The following DPY30 variants were observed in gnomAD, a reference collection of about 807,000 sequenced individuals.
DPY30 encodes protein dpy-30 homolog.
A neutral mutation model predicts 16.2 loss-of-function variants in DPY30; 6 were observed. The ratio of observed to expected loss-of-function variants is 0.37; its 90% CI spans 0.20 to 0.73. DPY30 has a LOEUF of 0.73. Among genes scored for constraint, DPY30 ranks in the 30% least tolerant of loss-of-function variants. The probability of loss-of-function intolerance (pLI) is 0.51; values close to 1 mark genes in which losing one functional copy is unlikely to be tolerated. For missense variants in DPY30, 73 were observed against 113.1 expected (o/e 0.65, Z 1.61); for synonymous variants, 39 against 38.8 (o/e 1.00, Z -0.02).
chr2:32,029,219 C>T lies in DPY30; in HGVS notation c.227+375G>A, dbSNP rs374994572. ...ACCAGGAGGTAGAGGTTGCAGTGAA[C>T]GAGATCATACCACCGTCCTCCAGCC... is the stretch of plus-strand genomic sequence containing the variant. On this transcript the variant is annotated intron_variant, in intron 4 of 4. Transcript: ENST00000342166. Among the ~76,000 whole-genome samples, 11 of 152,188 alleles carry T rather than the reference C, an allele frequency of 7.2e-5. No homozygotes were observed. In the East Asian group the frequency reaches 7.7e-4, roughly 11 times the overall value.
intron 3 of DPY30, among the ~76,000 whole-genome samples, chr2:32,038,676 GTC>G (rs1292139992): frequency 1.5e-5 from 2 of 129,226 alleles, no homozygotes; most frequent in East Asian, 4.6e-4. Flanking sequence ...TTGAGACGGA[GTC>G]TCACTCTGCC....
At chr2:32,032,533 C>A (rs1358011667) in intron 3 of DPY30, among the ~76,000 whole-genome samples, 6 of 152,192 alleles carry the variant, frequency 3.9e-5, no homozygotes, top group African/African-American at 1.4e-4. Flanking sequence ...TAAAAACAGT[C>A]CTAACTTCCA....
chr2:32,037,464 C>T (rs1420950757), intron 3 of DPY30, among the ~76,000 whole-genome samples: 2 of 152,170 alleles, frequency 1.3e-5, no homozygotes, highest in Non-Finnish European at 2.9e-5. Context: ...TACCGTCACA[C>T]CCAGCTAATT....
chr2:32,036,497 C>T (rs982412281), intron 3 of DPY30, among the ~76,000 whole-genome samples: 2 of 151,984 alleles, frequency 1.3e-5, no homozygotes, highest in African/African-American at 2.4e-5. Flanking sequence ...CGGTGAAACC[C>T]CGTCTCTACT....
intron 4 of DPY30, 149 bp downstream of exon 4, chr2:32,029,445 T>G: frequency 2.2e-6 from 2 of 906,146 alleles, no homozygotes; most frequent in Non-Finnish European, 3.3e-6. Flanking sequence ...AATGTCTGAA[T>G]TATGAGATTA....
chr2:32,039,590 C>G (rs958949977), intron 1 of DPY30, 98 bp from the exon 2 acceptor site: 22 of 1,209,724 alleles, frequency 1.8e-5, no homozygotes, highest in African/African-American at 3.0e-5. Flanking sequence ...CCCTCACCCC[C>G]ACCTGGGCGC....
intron 3 of DPY30, among the ~76,000 whole-genome samples, chr2:32,034,165 A>G (rs532965857): frequency 1.4e-3 from 208 of 152,332 alleles, no homozygotes; most frequent in African/African-American, 4.9e-3. Context: ...TCAGGTGAAT[A>G]CTTATCAATA....
At chr2:32,039,632 G>T in intron 1 of DPY30, 101 bp downstream of exon 1, 1 of 740,780 alleles carries the variant, frequency 1.3e-6, no homozygotes, top group Non-Finnish European at 2.2e-6. Flanking sequence ...GCAGCAGAGT[G>T]GGACAGTCCA....
chr2:32,027,570 C>T (rs1675378152), intron 4 of DPY30, among the ~76,000 whole-genome samples: 1 of 148,304 alleles, frequency 6.7e-6, no homozygotes, highest in Non-Finnish European at 1.5e-5. Context: ...GGAGCTTGAT[C>T]TGTAAGACTA....
intron 3 of DPY30, among the ~76,000 whole-genome samples, chr2:32,032,416 C>A (rs1349312351): frequency 6.6e-6 from 1 of 152,194 alleles, no homozygotes; most frequent in African/African-American, 2.4e-5. Flanking sequence ...ACAGTATCAT[C>A]TTGAATGAAT....
chr2:32,030,064 C>CAAAAAAA (rs398042393), intron 3 of DPY30, among the ~76,000 whole-genome samples: 1 of 102,700 alleles, frequency 9.7e-6, no homozygotes. Context: ...AGTGTGTTCC[C>CAAAAAAA]AAAAAAAAAA....
At chr2:32,025,018 T>A (rs1052634464) in intron 4 of DPY30, among the ~76,000 whole-genome samples, 1 of 152,226 alleles carries the variant, frequency 6.6e-6, no homozygotes, top group Non-Finnish European at 1.5e-5. Flanking sequence ...AACTCTGCTA[T>A]GAAAAGGCAT....
At chr2:32,019,335 C>G (rs977905042), downstream of DPY30, among the ~76,000 whole-genome samples, 1 of 152,008 alleles carries the variant, frequency 6.6e-6, no homozygotes, top group African/African-American at 2.4e-5. Flanking sequence ...TTAGACACAC[C>G]TGAGAGGTAA....
downstream of DPY30, among the ~76,000 whole-genome samples, chr2:32,020,213 A>T (rs900498691): frequency 3.3e-5 from 5 of 151,764 alleles, no homozygotes; most frequent in Non-Finnish European, 7.4e-5. Context: ...CTCAAAAACA[A>T]ATAGGCTGGG....
At chr2:32,014,220 T>C (rs1484151503) in intron 5 of DPY30, among the ~76,000 whole-genome samples, 1 of 152,094 alleles carries the variant, frequency 6.6e-6, no homozygotes, top group African/African-American at 2.4e-5. Flanking sequence ...CAGTGGCTCA[T>C]GCCTGTAATC....
intron 3 of DPY30, among the ~76,000 whole-genome samples, chr2:32,030,312 C>T (rs898769320): frequency 3.3e-5 from 5 of 152,080 alleles, no homozygotes; most frequent in African/African-American, 1.2e-4. Flanking sequence ...GCCTGGACAA[C>T]TGCAAAATCC....
chr2:32,037,659 G>C (rs755319020), intron 3 of DPY30, among the ~76,000 whole-genome samples: 1 of 151,804 alleles, frequency 6.6e-6, no homozygotes, highest in Non-Finnish European at 1.5e-5. Flanking sequence ...CGGGGTTCAA[G>C]CAATTCTCCT....
downstream of DPY30, chr2:32,023,291 T>C: frequency 2.6e-6 from 1 of 379,046 alleles, no homozygotes; most frequent in Non-Finnish European, 5.3e-6. Context: ...TAGTGAGCTA[T>C]CTCAATTTCT....
intron 3 of DPY30, among the ~76,000 whole-genome samples, chr2:32,035,075 C>G (rs578062094): frequency 4.6e-5 from 7 of 150,906 alleles, no homozygotes; most frequent in Non-Finnish European, 1.0e-4. Flanking sequence ...CGCCACTACA[C>G]TCCAGCCTGG....
Sources: allele counts gnomAD v4.1 joint callset (sites outside exome capture counted in the v4.1 genomes callset), GRCh38; gene constraint gnomAD v4.1.1; transcripts MANE v1.5; gene names NCBI Gene and HGNC (gene_info 2026-07-23, HGNC 2026-07-21).